Variants in GMIP observed in about 807,000 individuals in gnomAD.
GMIP encodes the protein GEM interacting protein.
GMIP carries 54 observed loss-of-function variants against 105.3 expected under a neutral mutation model. That is an observed-to-expected ratio of 0.51 (90% CI 0.41 to 0.64). The LOEUF (loss-of-function observed/expected upper bound fraction) is 0.64. Among genes scored for constraint, GMIP ranks in the 30% least tolerant of loss-of-function variants. The pLI, the probability that GMIP is intolerant of heterozygous loss-of-function variation, is 0.00. For missense variants in GMIP, 1,110 were observed against 1,319.4 expected (o/e 0.84, Z 2.46); for synonymous variants, 541 against 560.8 (o/e 0.96, Z 0.50).
In GMIP at chr19:19,637,536, C is replaced by A. The variant is rs998758100; in HGVS notation, c.953G>T (p.Arg318Leu). The change falls in exon 11 of 21, where the codon CGG becomes CTG. Residue 318 changes from arginine to leucine, a missense_variant. Coordinates refer to ENST00000203556, the MANE Select transcript of GMIP (RefSeq NM_016573.4). This position sits in a 1 kb window ranked among gnomAD's most constrained non-coding sequence, Gnocchi z 6.7. ...GGGGCCACGCTCTGCCTGCGCCCCC[C>A]GCAGCCCGAAGAGACTCAGCGTCAC... The part of the protein sequence containing the change: ...RRVTLSLFGL[R>L]GAQAERGPRA... The A allele has an allele frequency of 2.9e-5, 44 of 1,533,600 alleles. No homozygotes were observed. The highest frequency in any genetic ancestry group is 4.2e-5 in the African/African-American group (3 of 71,834). The allele number at this position is 1,533,600 out of a possible 1,614,324, so 95.0% of individuals were successfully genotyped here.
Position 19,629,901 on chromosome 19 carries a change from T to G in GMIP, c.*62A>C. ...TGTTTGGCCACTAGGTGGTGGGAGG[T>G]AGGGATATATGGGTCCGTCTTCACA... On this transcript the variant is annotated 3_prime_UTR_variant, in exon 21 of 21. Transcript: ENST00000203556. 1 of 1,493,900 alleles carries G rather than the reference T, an allele frequency of 6.7e-7. No individual in the cohort carries two copies. Among genetic ancestry groups the G allele is most frequent in the Non-Finnish European group, 9.0e-7 (1 of 1,106,880 alleles). The allele number at this position is 1,493,900 out of a possible 1,614,324, so 92.5% of individuals were successfully genotyped here.
At chr19:19,638,973 G>T (rs1167307221) in intron 7 of GMIP, among the ~76,000 whole-genome samples, 1 of 151,716 alleles carries the variant, frequency 6.6e-6, no homozygotes, top group Non-Finnish European at 1.5e-5. Context: ...CCACCTACTC[G>T]GGAGGCTGAG....
At chr19:19,641,182 G>A (rs1023753765) in intron 4 of GMIP, among the ~76,000 whole-genome samples, 4 of 151,888 alleles carry the variant, frequency 2.6e-5, no homozygotes, top group African/African-American at 9.7e-5. Flanking sequence ...CTGGGTTCCC[G>A]CCATTCTCCT....
chr19:19,643,627 G>GCCGCCT lies in GMIP; in HGVS notation c.-104_-99dup. The GCCGCCT allele has an allele frequency of 1.8e-6, 2 of 1,098,392 alleles. No individual in the cohort carries two copies. The highest frequency in any genetic ancestry group is 2.6e-6 in the Non-Finnish European group (2 of 772,834). 68.0% of individuals were successfully genotyped at this position (1,098,392 alleles called of 1,614,324 possible). A position where few individuals can be genotyped will look rare whatever the true frequency, so the allele number is the denominator to read the frequency against. ...ATTTCCTGCCGCCGCAGCCGCCGCC[G>GCCGCCT]CCGCCTCGGTTCCGCGTCGCCCTGC... is the stretch of plus-strand genomic sequence containing the variant. On this transcript the variant is annotated 5_prime_UTR_variant, in exon 1 of 21. Coordinates refer to ENST00000203556, the MANE Select transcript of GMIP (RefSeq NM_016573.4).
Position 19,630,090 on chromosome 19 carries a change from G to C in GMIP, c.2786C>G (p.Pro929Arg), listed in dbSNP as rs994295052. 1.9e-6 allele frequency: 3 copies of C among 1,610,894 alleles called. No homozygotes were observed. In the Admixed American group the frequency reaches 5.0e-5, roughly 27 times the overall value. Residue 929 changes from proline to arginine, a missense_variant, in exon 21 of 21, where the codon CCG becomes CGG. Coordinates refer to ENST00000203556, the MANE Select transcript of GMIP (RefSeq NM_016573.4). This position sits in a 1 kb window ranked among gnomAD's most constrained non-coding sequence, Gnocchi z 4.8. ...GGTAATCTCAAAATGCTTGGGCAGC[G>C]GGGTGCGGCGCAGGGGGCTGCCCTC... ...SPEGSPLRRT[P>R]LPKHFEITQE...
Position 19,630,140 on chromosome 19 carries a change from C to T in GMIP, c.2736G>A (p.Gly912=). ...CAGGGGAGGCAGCTGCAGGGCTGGG[C>T]CCCCGCCCCCGCAAACTCCCTCTGG... The part of the protein sequence containing the change: ...SVPRGSLRGR[G]PSPAAASPEG... Residue 912 remains glycine, a synonymous_variant, in exon 21 of 21, where the codon GGG becomes GGA. Coordinates refer to ENST00000203556, the MANE Select transcript of GMIP (RefSeq NM_016573.4). The surrounding 1 kb of genome is among the most constrained non-coding windows in gnomAD (Gnocchi z 4.8). The T allele has an allele frequency of 6.2e-7, 1 of 1,601,926 alleles. No homozygotes were observed. The highest frequency in any genetic ancestry group is 2.2e-5 in the East Asian group (1 of 44,670).
intron 4 of GMIP, 31 bp downstream of exon 4, chr19:19,641,779 C>T (rs778070397): frequency 6.6e-7 from 1 of 1,510,674 alleles, no homozygotes; most frequent in Non-Finnish European, 9.2e-7. Context: ...TCCTGTCTGT[C>T]CCCACTGTCC....
intron 4 of GMIP, among the ~76,000 whole-genome samples, chr19:19,641,361 G>A (rs1272506888): frequency 6.6e-6 from 1 of 151,986 alleles, no homozygotes; most frequent in Non-Finnish European, 1.5e-5. Context: ...GATTACAGGC[G>A]TGAGCCACTG....
At chr19:19,638,778 CTTTT>C (rs554304896) in intron 7 of GMIP, among the ~76,000 whole-genome samples, 6 of 132,238 alleles carry the variant, frequency 4.5e-5, no homozygotes, top group Non-Finnish European at 5.0e-5. Context: ...ACAATTTCTT[CTTTT>C]TTTTTTTTTT....
chr19:19,642,273 T>C (rs537561070), intron 2 of GMIP, among the ~76,000 whole-genome samples: 2 of 151,764 alleles, frequency 1.3e-5, no homozygotes, highest in Admixed American at 6.6e-5. Context: ...GTTCATAGAG[T>C]GGGATTATAG....
chr19:19,642,467 G>C (rs2061932464), intron 2 of GMIP, 68 bp downstream of exon 2: 7 of 920,914 alleles, frequency 7.6e-6, no homozygotes, highest in Admixed American at 7.1e-5. Context: ...GGGACTGCAA[G>C]GCACCTAAAT....
At chr19:19,639,004 C>T (rs908842926) in intron 7 of GMIP, among the ~76,000 whole-genome samples, 6 of 151,588 alleles carry the variant, frequency 4.0e-5, no homozygotes, top group African/African-American at 1.5e-4. Flanking sequence ...CACTTGAACC[C>T]GGGAGGCAGA....
rs1312827404 is a variant in GMIP at position 19,637,592 on chromosome 19, G to A, written c.928-31C>T. 6.8e-7 allele frequency: 1 copy of A among 1,467,292 alleles called. No homozygotes were observed. The highest frequency in any genetic ancestry group is 9.0e-7 in the Non-Finnish European group (1 of 1,112,148). The allele number at this position is 1,467,292 out of a possible 1,614,324, so 90.9% of individuals were successfully genotyped here. ...GGGTGGAGACAGCAGGTTGGGGAGG[G>A]GCGGAGCCTGGGAGCCTGGGGGCAG... is the stretch of plus-strand genomic sequence containing the variant. On this transcript the variant is annotated intron_variant, in intron 10 of 20. Coordinates refer to ENST00000203556, the MANE Select transcript of GMIP (RefSeq NM_016573.4). This position sits in a 1 kb window ranked among gnomAD's most constrained non-coding sequence, Gnocchi z 6.7.
At chr19:19,632,413 A>G (rs1447221591) in intron 19 of GMIP, among the ~76,000 whole-genome samples, 1 of 152,168 alleles carries the variant, frequency 6.6e-6, no homozygotes, top group East Asian at 1.9e-4. Context: ...CAGCCTGGCT[A>G]ACATGGCGAA....
chr19:19,635,302 T>C lies in GMIP; in HGVS notation c.1561-89A>G, dbSNP rs571239033. The C allele has an allele frequency of 7.2e-6, 11 of 1,522,886 alleles. No homozygotes were observed. In the East Asian group the frequency reaches 1.6e-4, roughly 22 times the overall value. The allele number at this position is 1,522,886 out of a possible 1,614,324, so 94.3% of individuals were successfully genotyped here. A position where few individuals can be genotyped will look rare whatever the true frequency, so the allele number is the denominator to read the frequency against. On this transcript the variant is annotated intron_variant, in intron 15 of 20. Coordinates refer to ENST00000203556, the MANE Select transcript of GMIP (RefSeq NM_016573.4). The surrounding 1 kb of genome is among the most constrained non-coding windows in gnomAD (Gnocchi z 4.7). Reference sequence around the variant, plus strand: ...AGGATCCTCAAGGAATGGGGGCTCATGGGAGACATCAGGTTAGGGTGGGTC... The same window carrying C: ...AGGATCCTCAAGGAATGGGGGCTCACGGGAGACATCAGGTTAGGGTGGGTC...
intron 7 of GMIP, among the ~76,000 whole-genome samples, chr19:19,638,702 C>T (rs1013519120): frequency 6.6e-6 from 1 of 151,976 alleles, no homozygotes; most frequent in Non-Finnish European, 1.5e-5. Flanking sequence ...TCAAGCAATC[C>T]TCCAGCCTCA....
At chr19:19,642,169 G>C in intron 2 of GMIP, 118 bp from the exon 3 acceptor site, 1 of 640,486 alleles carries the variant, frequency 1.6e-6, no homozygotes, top group South Asian at 1.9e-5. Flanking sequence ...TCTTGTGTCT[G>C]GGAGGTCTGA....
Position 19,642,053 on chromosome 19 carries a change from TG to T in GMIP, c.105-3del. 1 of 1,610,542 alleles carries T rather than the reference TG, an allele frequency of 6.2e-7. No homozygotes were observed. Among genetic ancestry groups the T allele is most frequent in the Admixed American group, 1.7e-5 (1 of 59,876 alleles). On this transcript the variant is annotated splice_region_variant and splice_polypyrimidine_tract_variant and intron_variant, in intron 2 of 20. Coordinates refer to ENST00000203556, the MANE Select transcript of GMIP (RefSeq NM_016573.4). ...TCTCCAGCCAGCATCTCAAGGGTCC[TG>T]GGGGATAAAGGTGTGTCAGGATGCC... is the stretch of plus-strand genomic sequence containing the variant.
chr19:19,633,973 G>A lies in GMIP; in HGVS notation c.2302C>T (p.Pro768Ser). The A allele has an allele frequency of 6.4e-7, 1 of 1,564,724 alleles. No individual in the cohort carries two copies. The highest frequency in any genetic ancestry group is 8.7e-7 in the Non-Finnish European group (1 of 1,142,964). The change falls in exon 19 of 21, where the codon CCC (proline) becomes TCC (serine). Residue 768 changes from proline (P) to serine (S), a missense_variant. Transcript: ENST00000203556. ...GCTGGGCTGGAGTCTTGGGGCGGGG[G>A]CTCAGTGGCCTGGGGGAGCTCATCC... ...GMDELPQATE[P>S]PPQDSSPAPG...
Sources: allele counts gnomAD v4.1 joint callset (sites outside exome capture counted in the v4.1 genomes callset), GRCh38; gene constraint gnomAD v4.1.1; non-coding constraint Gnocchi (gnomAD v3.1); transcripts MANE v1.5; gene names NCBI Gene and HGNC (gene_info 2026-07-23, HGNC 2026-07-21).